Variants in FCHSD2 observed in about 807,000 individuals in gnomAD.
FCHSD2 encodes F-BAR and double SH3 domains protein 2.
A neutral mutation model predicts 108.1 loss-of-function variants in FCHSD2; 38 were observed. The observed-to-expected ratio is 0.35, with a 90% CI of 0.27 to 0.46. The LOEUF (loss-of-function observed/expected upper bound fraction) is 0.46, where lower values mean the gene tolerates loss of function less well. FCHSD2 is among the 20% of genes least tolerant of loss of function. The pLI is 1.00. For synonymous variants in FCHSD2, 279 were observed against 314.7 expected, an observed-to-expected ratio of 0.89 and a Z score of 1.20; for missense variants, 751 against 897.8, an observed-to-expected ratio of 0.84 and a Z score of 2.09.
intron 2 of FCHSD2, among the ~76,000 whole-genome samples, chr11:73,091,004 GA>G (rs1330604082): frequency 6.6e-6 from 1 of 151,998 alleles, no homozygotes; most frequent in Non-Finnish European, 1.5e-5. Context: ...TATTTCATAT[GA>G]AAAAAATTAT....
intron 10 of FCHSD2, among the ~76,000 whole-genome samples, chr11:72,897,747 G>A (rs1021757014): frequency 6.6e-6 from 1 of 152,150 alleles, no homozygotes; most frequent in Non-Finnish European, 1.5e-5. Context: ...TCAGCTGAAT[G>A]ACTCTAACAT....
intron 5 of FCHSD2, among the ~76,000 whole-genome samples, chr11:72,994,806 T>C (rs959131516): frequency 1.3e-5 from 2 of 152,272 alleles, no homozygotes; most frequent in African/African-American, 4.8e-5. Context: ...AAACTGTATC[T>C]TATAGATGTA....
At chr11:73,080,915 GT>G (rs1333052397) in intron 3 of FCHSD2, among the ~76,000 whole-genome samples, 2 of 151,750 alleles carry the variant, frequency 1.3e-5, no homozygotes, top group Non-Finnish European at 2.9e-5. Context: ...CTGCACTCTA[GT>G]TTTTCCTGGG....
intron 9 of FCHSD2, among the ~76,000 whole-genome samples, chr11:72,904,564 C>T (rs1855590113): frequency 6.6e-6 from 1 of 152,086 alleles, no homozygotes; most frequent in Non-Finnish European, 1.5e-5. Context: ...AAGTTCCAGA[C>T]CTATCATTTA....
intron 3 of FCHSD2, among the ~76,000 whole-genome samples, chr11:73,060,824 A>C (rs1591522412): frequency 6.6e-6 from 1 of 152,178 alleles, no homozygotes; most frequent in East Asian, 1.9e-4. Context: ...GCTCCTGCAA[A>C]GTAAAGGAAA....
chr11:73,050,712 A>G (rs541563560), intron 3 of FCHSD2, among the ~76,000 whole-genome samples: 6 of 152,334 alleles, frequency 3.9e-5, no homozygotes, highest in Admixed American at 3.9e-4. Flanking sequence ...GTCCCTTTAT[A>G]TTGGTTGAAC....
At chr11:72,977,687 G>A (rs1053426905) in intron 8 of FCHSD2, among the ~76,000 whole-genome samples, 2 of 152,264 alleles carry the variant, frequency 1.3e-5, no homozygotes, top group Non-Finnish European at 2.9e-5. Context: ...AGGTGCTGGA[G>A]AGGATGTGAA....
At chr11:72,848,225 C>CTTTA (rs1861197074) in intron 14 of FCHSD2, among the ~76,000 whole-genome samples, 1 of 152,170 alleles carries the variant, frequency 6.6e-6, no homozygotes, top group African/African-American at 2.4e-5. Context: ...AGTCTGGTAC[C>CTTTA]CAAGGCCCTT....
chr11:72,940,835 T>TTA (rs1478973202), intron 8 of FCHSD2: 12 of 908,412 alleles, frequency 1.3e-5, no homozygotes, highest in Non-Finnish European at 2.0e-5. Flanking sequence ...TGTGGGGCTC[T>TTA]TAGAGTCCTG....
At chr11:73,025,462 G>T (rs558957367) in intron 3 of FCHSD2, among the ~76,000 whole-genome samples, 1 of 152,180 alleles carries the variant, frequency 6.6e-6, no homozygotes, top group South Asian at 2.1e-4. Flanking sequence ...ACACATAGAG[G>T]GGAACAACAG....
intron 4 of FCHSD2, among the ~76,000 whole-genome samples, chr11:73,008,377 G>T (rs1374238342): frequency 6.6e-6 from 1 of 151,966 alleles, no homozygotes; most frequent in Non-Finnish European, 1.5e-5. Flanking sequence ...CATAACCTAA[G>T]AATAATTTAT....
At chr11:72,892,362 G>A (rs1855330907) in intron 10 of FCHSD2, among the ~76,000 whole-genome samples, 1 of 152,094 alleles carries the variant, frequency 6.6e-6, no homozygotes, top group South Asian at 2.1e-4. Context: ...CTTTGGGTAG[G>A]GAATGACACA....
intron 8 of FCHSD2, among the ~76,000 whole-genome samples, chr11:72,945,824 T>C (rs958384632): frequency 2.0e-5 from 3 of 152,052 alleles, no homozygotes; most frequent in African/African-American, 4.8e-5. Flanking sequence ...ATCAGAGAAA[T>C]GCAAATCAAA....
At chr11:72,895,098 T>C (rs543446885) in intron 10 of FCHSD2, among the ~76,000 whole-genome samples, 3 of 152,320 alleles carry the variant, frequency 2.0e-5, no homozygotes, top group South Asian at 4.1e-4. Flanking sequence ...ATTCTGACTA[T>C]GCTAGGATAG....
At chr11:72,900,223 C>CAA in intron 10 of FCHSD2, 1 of 951,012 alleles carries the variant, frequency 1.1e-6, no homozygotes, top group Non-Finnish European at 1.7e-6. Context: ...CCACACTTCC[C>CAA]ATCCCTCCCG....
At chr11:72,953,573 C>G (rs1249819232) in intron 8 of FCHSD2, among the ~76,000 whole-genome samples, 2 of 151,448 alleles carry the variant, frequency 1.3e-5, no homozygotes, top group Non-Finnish European at 2.9e-5. Context: ...AAATATTTAT[C>G]AAGAGTCTAC....
chr11:73,004,139 A>ATATCAAGC (rs1403411268), intron 4 of FCHSD2, among the ~76,000 whole-genome samples: 2 of 148,946 alleles, frequency 1.3e-5, no homozygotes, highest in African/African-American at 4.9e-5. Context: ...AAAAAAAAGG[A>ATATCAAGC]TATCAAGCAT....
At chr11:72,990,996 TCAAA>T (rs1175987881) in intron 5 of FCHSD2, among the ~76,000 whole-genome samples, 2 of 151,680 alleles carry the variant, frequency 1.3e-5, no homozygotes, top group Admixed American at 6.6e-5. Context: ...GAGAGAAGAA[TCAAA>T]CAGACGCAAT....
chr11:73,048,852 A>C (rs1858827136), intron 3 of FCHSD2, among the ~76,000 whole-genome samples: 1 of 152,216 alleles, frequency 6.6e-6, no homozygotes, highest in Non-Finnish European at 1.5e-5. Context: ...ATAAACTCTA[A>C]GAAAAATTCC....
Sources: allele counts gnomAD v4.1 joint callset (sites outside exome capture counted in the v4.1 genomes callset), GRCh38; gene constraint gnomAD v4.1.1; transcripts MANE v1.5; gene names NCBI Gene and HGNC (gene_info 2026-07-23, HGNC 2026-07-21).